Variants in FDFT1 observed in about 807,000 individuals in gnomAD.
The protein encoded by FDFT1 is squalene synthase.
A neutral mutation model predicts 46.8 loss-of-function variants in FDFT1; 68 were observed. The observed-to-expected ratio is 1.45, with a 90% CI of 1.19 to 1.78. The LOEUF (loss-of-function observed/expected upper bound fraction) is 1.78. FDFT1 is among the 40% of genes most tolerant of loss of function. The probability of loss-of-function intolerance (pLI) is 0.00; values close to 1 mark genes in which losing one functional copy is unlikely to be tolerated. For synonymous variants in FDFT1, 351 were observed against 185.1 expected (o/e 1.90, Z -7.28); for missense variants, 928 against 524.4 (o/e 1.77, Z -7.52).
At chr8:11,803,677 C>G (rs1485092845) in intron 1 of FDFT1, 1 of 332,720 alleles carries the variant, frequency 3.0e-6, no homozygotes, top group East Asian at 1.1e-4. Flanking sequence ...TCTGGACCAG[C>G]CTGGCTGATT....
intron 5 of FDFT1, 30 bp downstream of exon 5, chr8:11,826,245 A>ATAACTT: frequency 6.9e-7 from 1 of 1,442,644 alleles, no homozygotes; most frequent in South Asian, 1.5e-5. Flanking sequence ...TTGGGGGAAA[A>ATAACTT]TAACTTTAGA....
At chr8:11,835,993 A>AAAAAAAAAAC in intron 7 of FDFT1, among the ~76,000 whole-genome samples, 1 of 147,812 alleles carries the variant, frequency 6.8e-6, no homozygotes, top group Admixed American at 6.7e-5. Flanking sequence ...AAAAAAAAAA[A>AAAAAAAAAAC]AATACAAAAG....
intron 4 of FDFT1, among the ~76,000 whole-genome samples, chr8:11,824,559 C>G (rs1371980514): frequency 3.9e-5 from 6 of 152,106 alleles, no homozygotes; most frequent in African/African-American, 1.2e-4. Context: ...CCCTGAGTAA[C>G]TGGGACCACT....
At chr8:11,808,596 A>C in intron 1 of FDFT1, 198 bp from the exon 2 acceptor site, 1 of 1,388,986 alleles carries the variant, frequency 7.2e-7, no homozygotes. Context: ...CGCGGCGCCC[A>C]GGGGCCCGGG....
intron 1 of FDFT1, among the ~76,000 whole-genome samples, chr8:11,804,986 C>G (rs1296523192): frequency 6.9e-6 from 1 of 145,866 alleles, no homozygotes; most frequent in African/African-American, 2.5e-5. Context: ...ATGACTCACT[C>G]CAGTTTTGAC....
chr8:11,804,141 T>G (rs1286980575), intron 1 of FDFT1, among the ~76,000 whole-genome samples: 1 of 152,236 alleles, frequency 6.6e-6, no homozygotes, highest in East Asian at 1.9e-4. Context: ...AAACTTACTT[T>G]TTAGTGGAAG....
chr8:11,807,283 C>A (rs1457454114), intron 1 of FDFT1, among the ~76,000 whole-genome samples: 1 of 152,074 alleles, frequency 6.6e-6, no homozygotes, highest in African/African-American at 2.4e-5. Context: ...TCTTCAGTAG[C>A]TAGACTATAG....
chr8:11,830,489 T>G (rs17153904), intron 6 of FDFT1, 69 bp downstream of exon 6: 13,800 of 1,120,370 alleles, frequency 0.012, 347 homozygotes, highest in Admixed American at 0.096. Context: ...GGGTGGATTT[T>G]GCTGTGCTAT....
At chr8:11,820,584 C>A (rs988156411) in intron 3 of FDFT1, among the ~76,000 whole-genome samples, 5 of 152,160 alleles carry the variant, frequency 3.3e-5, no homozygotes, top group Admixed American at 3.3e-4. Context: ...GGCGGGGAGG[C>A]GCTTCCCCTC....
intron 1 of FDFT1, 197 bp from the exon 2 acceptor site, chr8:11,808,597 G>C: frequency 7.2e-7 from 1 of 1,389,724 alleles, no homozygotes. Flanking sequence ...GCGGCGCCCA[G>C]GGGCCCGGGC....
intron 3 of FDFT1, among the ~76,000 whole-genome samples, chr8:11,820,223 C>G (rs748102580): frequency 2.0e-5 from 3 of 152,080 alleles, no homozygotes; most frequent in African/African-American, 7.2e-5. Context: ...AAGCTTCGTC[C>G]AAGAAGGACA....
intron 1 of FDFT1, among the ~76,000 whole-genome samples, chr8:11,797,090 T>C (rs1393663816): frequency 6.6e-6 from 1 of 152,238 alleles, no homozygotes; most frequent in Non-Finnish European, 1.5e-5. Context: ...TGGTAAATCC[T>C]GGGTGTTGCG....
intron 2 of FDFT1, 120 bp downstream of exon 2, chr8:11,809,011 C>A: frequency 6.9e-7 from 1 of 1,447,926 alleles, no homozygotes. Context: ...GTGGCTTATC[C>A]AGAACATAGC....
At chr8:11,817,242 T>C (rs1165406325) in intron 3 of FDFT1, among the ~76,000 whole-genome samples, 2 of 152,226 alleles carry the variant, frequency 1.3e-5, no homozygotes, top group Admixed American at 1.3e-4. Flanking sequence ...GTGGATAAGC[T>C]TTTTGATGTG....
upstream of FDFT1, among the ~76,000 whole-genome samples, chr8:11,800,425 C>T (rs1307019030): frequency 1.3e-5 from 2 of 152,038 alleles, no homozygotes; most frequent in African/African-American, 2.4e-5. Flanking sequence ...TCGTCCACCC[C>T]ACTGCTTGTG....
rs758826568 is a variant in FDFT1, at chr8:11,838,562, A to T, written c.1207A>T (p.Thr403Ser). 3.1e-6 allele frequency: 5 copies of T among 1,612,788 alleles called. No individual in the cohort carries two copies. Among genetic ancestry groups the T allele is most frequent in the Non-Finnish European group, 1.7e-6 (2 of 1,179,660 alleles). ...LAALSWQYLT[T>S]LSQVTEDYVQ... ...TGCCCTGAGCTGGCAGTACCTGACC[A>T]CTCTCTCCCAGGTAACAGAAGACTA... The change falls in exon 8 of 8, where the codon ACT (threonine) becomes TCT (serine). Residue 403 changes from threonine to serine, a missense_variant. Coordinates refer to ENST00000220584, the MANE Select transcript of FDFT1 (RefSeq NM_004462.5).
chr8:11,813,269 G>C (rs1480000465), intron 3 of FDFT1, among the ~76,000 whole-genome samples: 1 of 152,196 alleles, frequency 6.6e-6, no homozygotes, highest in African/African-American at 2.4e-5. Context: ...AGAAGGCTTA[G>C]AAGTCTACCT....
intron 3 of FDFT1, among the ~76,000 whole-genome samples, chr8:11,820,135 A>C (rs7839083): frequency 0.3 from 46,323 of 152,036 alleles, 8,236 homozygotes; most frequent in South Asian, 0.41. Context: ...CTGGAGGTCC[A>C]CTCTAGACCC....
At chr8:11,800,841 C>CA (rs1806043287), upstream of FDFT1, among the ~76,000 whole-genome samples, 1 of 152,124 alleles carries the variant, frequency 6.6e-6, no homozygotes, top group Non-Finnish European at 1.5e-5. Flanking sequence ...CTTTTTATAC[C>CA]GTCATGGCTG....
Sources: gnomAD v4.1 joint callset for allele counts (sites outside exome capture counted in the v4.1 genomes callset) on GRCh38, gnomAD v4.1.1 for gene constraint, MANE v1.5 for transcripts, NCBI Gene and HGNC (gene_info 2026-07-23, HGNC 2026-07-21) for gene names.